The following NSUN6 variants were observed in gnomAD, a reference collection of about 807,000 sequenced individuals.
NSUN6 encodes tRNA (cytosine(72)-C(5))-methyltransferase NSUN6.
Under a neutral mutation model 58.0 loss-of-function variants are expected in NSUN6, and 64 were observed. That is an observed-to-expected ratio of 1.10 (90% CI 0.90 to 1.36). The LOEUF (loss-of-function observed/expected upper bound fraction) is 1.36. Ranked by LOEUF, NSUN6 falls within the 40% of genes most tolerant of loss-of-function variation. The pLI is 0.00. For missense variants in NSUN6, 701 were observed against 550.1 expected, an observed-to-expected ratio of 1.27 and a Z score of -2.74; for synonymous variants, 231 against 193.9, an observed-to-expected ratio of 1.19 and a Z score of -1.59.
At chr10:18,634,213 A>G (rs2059134959) in intron 3 of NSUN6, among the ~76,000 whole-genome samples, 1 of 152,230 alleles carries the variant, frequency 6.6e-6, no homozygotes, top group Non-Finnish European at 1.5e-5. Flanking sequence ...AGAGAAATTA[A>G]AGGAAAAACC....
At chr10:18,609,716 C>A (rs746715248) in intron 6 of NSUN6, 129 bp downstream of exon 6, 14 of 516,444 alleles carry the variant, frequency 2.7e-5, no homozygotes, top group Admixed American at 3.5e-5. Context: ...TACTGCTTAA[C>A]CAAAGGTAGA....
chr10:18,596,785 A>G (rs1417939685), intron 6 of NSUN6, among the ~76,000 whole-genome samples: 2 of 152,182 alleles, frequency 1.3e-5, no homozygotes, highest in Non-Finnish European at 2.9e-5. Context: ...GTACAAAAGC[A>G]TGCCATTTTC....
At chr10:18,585,393 C>A (rs968096700) in intron 8 of NSUN6, among the ~76,000 whole-genome samples, 1 of 152,118 alleles carries the variant, frequency 6.6e-6, no homozygotes, top group Non-Finnish European at 1.5e-5. Context: ...TCCCAACAGT[C>A]AAGATATGGA....
At chr10:18,555,221 G>T (rs542072445) in intron 8 of NSUN6, among the ~76,000 whole-genome samples, 1 of 149,020 alleles carries the variant, frequency 6.7e-6, no homozygotes, top group African/African-American at 2.5e-5. Context: ...TGGAATGGAG[G>T]ATGAAATGGA....
At chr10:18,581,006 G>A (rs2056880136) in intron 8 of NSUN6, among the ~76,000 whole-genome samples, 4 of 152,212 alleles carry the variant, frequency 2.6e-5, no homozygotes. Context: ...GGCGACTTGA[G>A]AGATCAAGTG....
In NSUN6 at chr10:18,623,412, T is replaced by C. The variant is rs879380814; in HGVS notation, c.312-7119A>G. ...CAATAAAACTAAGAAACAGCTATAA[T>C]TGCGATGATGAGAAAAAATTGGCTG... is the stretch of plus-strand genomic sequence containing the variant. On this transcript the variant is annotated intron_variant, in intron 3 of 10. Transcript: ENST00000377304. Among the ~76,000 whole-genome samples, 81 of 152,230 alleles carry C rather than the reference T, an allele frequency of 5.3e-4. 1 individual carries two copies. Among genetic ancestry groups the C allele is most frequent in the African/African-American group, 1.9e-3 (78 of 41,532 alleles).
intron 7 of NSUN6, among the ~76,000 whole-genome samples, chr10:18,587,109 T>C (rs115320699): frequency 2.6e-5 from 4 of 152,342 alleles, no homozygotes; most frequent in African/African-American, 9.6e-5. Flanking sequence ...TAGCTACTTT[T>C]AATCAACAAA....
At chr10:18,623,586 C>T (rs1590105461) in intron 3 of NSUN6, among the ~76,000 whole-genome samples, 1 of 152,092 alleles carries the variant, frequency 6.6e-6, no homozygotes, top group African/African-American at 2.4e-5. Flanking sequence ...GAATGTCTTA[C>T]CAGTATCCTG....
Position 18,577,843 on chromosome 10 carries a change from C to T in NSUN6, c.922+8106G>A, listed in dbSNP as rs530212336. Among the ~76,000 whole-genome samples, 5 of 152,328 alleles carry T rather than the reference C, an allele frequency of 3.3e-5. No homozygotes were observed. The South Asian group carries it at 1.0e-3, about 32-fold the overall frequency. On this transcript the variant is annotated intron_variant, in intron 8 of 10. Coordinates refer to ENST00000377304, the MANE Select transcript of NSUN6 (RefSeq NM_182543.5). ...ACCCTGGCTCCCGCCAAACCACTCA[C>T]CCTGTCATTCTCTTTAAATTAGCCA...
chr10:18,635,307 T>C (rs1402933773), intron 3 of NSUN6, among the ~76,000 whole-genome samples: 7 of 152,192 alleles, frequency 4.6e-5, no homozygotes, highest in East Asian at 1.9e-4. Flanking sequence ...TATGCTTTCA[T>C]GTAATAAACC....
At chr10:18,559,308 AAATGGAATGGAGAATGGGATGG>A (rs1278357785) in intron 8 of NSUN6, among the ~76,000 whole-genome samples, 2 of 149,084 alleles carry the variant, frequency 1.3e-5, no homozygotes, top group East Asian at 2.0e-4. Context: ...GAATGGAATG[AAATGGAATGGAGAATGGGATGG>A]AATGGAGAAT....
intron 3 of NSUN6, among the ~76,000 whole-genome samples, chr10:18,633,355 T>C (rs2059105054): frequency 6.6e-6 from 1 of 151,624 alleles, no homozygotes; most frequent in African/African-American, 2.4e-5. Flanking sequence ...ATGGCACATG[T>C]ATACATATGT....
At chr10:18,570,678 T>A (rs1012511977) in intron 8 of NSUN6, among the ~76,000 whole-genome samples, 1 of 150,390 alleles carries the variant, frequency 6.6e-6, no homozygotes, top group African/African-American at 2.4e-5. Flanking sequence ...TATTCTCCAT[T>A]CCATTTCATG....
intron 6 of NSUN6, among the ~76,000 whole-genome samples, chr10:18,609,624 T>C (rs1023058201): frequency 2.0e-5 from 3 of 152,086 alleles, no homozygotes; most frequent in Non-Finnish European, 4.4e-5. Context: ...AAATCACCTT[T>C]GGGCAAAGAA....
chr10:18,550,915 G>C (rs188394974), intron 9 of NSUN6, among the ~76,000 whole-genome samples: 11 of 152,020 alleles, frequency 7.2e-5, no homozygotes, highest in South Asian at 2.1e-4. Context: ...TAGTAGAGAC[G>C]GGGTTTTGCC....
chr10:18,555,004 G>C lies in NSUN6; in HGVS notation c.923-3033C>G, dbSNP rs797004824. 2.0e-5 allele frequency among the ~76,000 whole-genome samples: 3 copies of C among 149,996 alleles called. No homozygotes were observed. The Admixed American group carries it at 2.0e-4, about 10-fold the overall frequency. Reference sequence around the variant, plus strand: ...GGAATGGAAAATGTAATGGAGAATAGAATGGAATGCAGTGGAATGGAGAGT... The same window carrying C: ...GGAATGGAAAATGTAATGGAGAATACAATGGAATGCAGTGGAATGGAGAGT... On this transcript the variant is annotated intron_variant, in intron 8 of 10. Coordinates refer to ENST00000377304, the MANE Select transcript of NSUN6 (RefSeq NM_182543.5).
rs373050981 is a variant in NSUN6 at position 18,614,565 on chromosome 10, T to C, written c.470A>G (p.Lys157Arg). ...VISVYSDIKG[K>R]CKKGAKEFDG... ...AAATTCTTTGGCTCCTTTCTTACAT[T>C]TTCCTTTAATATCAGAGTATACAGA... is the stretch of plus-strand genomic sequence containing the variant. Residue 157 changes from lysine to arginine, a missense_variant, in exon 5 of 11, where the codon AAA (lysine) becomes AGA (arginine). Coordinates refer to ENST00000377304, the MANE Select transcript of NSUN6 (RefSeq NM_182543.5). 4.6e-6 allele frequency: 7 copies of C among 1,516,898 alleles called. No homozygotes were observed. In the South Asian group the frequency reaches 8.6e-5, roughly 19 times the overall value. The allele number at this position is 1,516,898 out of a possible 1,614,324, so 94.0% of individuals were successfully genotyped here. A position where few individuals can be genotyped will look rare whatever the true frequency, so the allele number is the denominator to read the frequency against.
chr10:18,599,385 C>A (rs376476005), intron 6 of NSUN6, among the ~76,000 whole-genome samples: 5 of 152,300 alleles, frequency 3.3e-5, no homozygotes, highest in African/African-American at 1.2e-4. Context: ...AGCCACTGTG[C>A]CCGGTGACAG....
intron 8 of NSUN6, among the ~76,000 whole-genome samples, chr10:18,570,422 T>C (rs2056276312): frequency 1.3e-5 from 2 of 150,808 alleles, no homozygotes; most frequent in South Asian, 4.3e-4. Context: ...CCATTCTCCA[T>C]TCCATTCTCC....
Sources: gnomAD v4.1 joint callset for allele counts (sites outside exome capture counted in the v4.1 genomes callset) on GRCh38, gnomAD v4.1.1 for gene constraint, MANE v1.5 for transcripts, NCBI Gene and HGNC (gene_info 2026-07-23, HGNC 2026-07-21) for gene names.